CCSER1: variants seen among roughly 807,000 people sequenced by gnomAD.
CCSER1 encodes serine-rich coiled-coil domain-containing protein 1.
Under a neutral mutation model 82.0 loss-of-function variants are expected in CCSER1, and 41 were observed. The observed-to-expected ratio is 0.50, with a 90% CI of 0.39 to 0.65. The LOEUF (loss-of-function observed/expected upper bound fraction) is 0.65, where lower values mean the gene tolerates loss of function less well. Ranked by LOEUF, CCSER1 falls within the 30% of genes least tolerant of loss-of-function variation. The pLI is 0.00. For missense variants in CCSER1, 1,119 were observed against 1,064.2 expected (o/e 1.05, Z -0.72); for synonymous variants, 414 against 383.9 (o/e 1.08, Z -0.92).
intron 5 of CCSER1, among the ~76,000 whole-genome samples, chr4:90,566,051 G>A (rs143156699): frequency 5.2e-4 from 75 of 142,914 alleles, no homozygotes; most frequent in African/African-American, 1.8e-3. Flanking sequence ...TTTTTTTTTA[G>A]TGGACCATGT....
At chr4:90,816,835 A>G (rs1561189304) in intron 8 of CCSER1, among the ~76,000 whole-genome samples, 1 of 152,140 alleles carries the variant, frequency 6.6e-6, no homozygotes, top group Non-Finnish European at 1.5e-5. Context: ...TATTAGTGAG[A>G]TATTGGAGAA....
At chr4:90,323,566 A>G (rs535119816) in intron 3 of CCSER1, among the ~76,000 whole-genome samples, 4 of 151,236 alleles carry the variant, frequency 2.6e-5, no homozygotes, top group Non-Finnish European at 4.4e-5. Flanking sequence ...CAATCACTTC[A>G]CTCTCCCTCC....
At chr4:90,491,807 G>C (rs1768066250) in intron 5 of CCSER1, among the ~76,000 whole-genome samples, 1 of 152,072 alleles carries the variant, frequency 6.6e-6, no homozygotes, top group South Asian at 2.1e-4. Flanking sequence ...CTGTTTATAT[G>C]CTGGATTAAG....
chr4:90,332,451 G>C (rs1482506363), intron 3 of CCSER1, among the ~76,000 whole-genome samples: 2 of 152,016 alleles, frequency 1.3e-5, no homozygotes, highest in East Asian at 3.9e-4. Context: ...GGTCAGGCTG[G>C]TCTCAAACTC....
chr4:91,360,870 A>C (rs1023011941), intron 10 of CCSER1, among the ~76,000 whole-genome samples: 1 of 151,974 alleles, frequency 6.6e-6, no homozygotes, highest in Non-Finnish European at 1.5e-5. Context: ...TTAAGAATGC[A>C]AATCAGTAAT....
intron 10 of CCSER1, among the ~76,000 whole-genome samples, chr4:91,216,555 C>T (rs1045542409): frequency 6.6e-6 from 1 of 152,076 alleles, no homozygotes. Flanking sequence ...CTCCTGACTT[C>T]GTGATCCACC....
At chr4:91,451,514 A>G (rs1378916375) in intron 10 of CCSER1, among the ~76,000 whole-genome samples, 1 of 149,846 alleles carries the variant, frequency 6.7e-6, no homozygotes, top group Admixed American at 6.7e-5. Flanking sequence ...AAGAAGTAGA[A>G]GACCAGGAAT....
intron 7 of CCSER1, among the ~76,000 whole-genome samples, chr4:90,746,668 G>A (rs530106805): frequency 6.6e-6 from 1 of 152,148 alleles, no homozygotes; most frequent in Non-Finnish European, 1.5e-5. Flanking sequence ...CTGATAATCA[G>A]TGTCTGAGAT....
intron 4 of CCSER1, among the ~76,000 whole-genome samples, chr4:90,405,643 A>G (rs961704160): frequency 3.9e-5 from 6 of 152,174 alleles, no homozygotes; most frequent in Admixed American, 2.0e-4. Flanking sequence ...ATGAAAACCT[A>G]TCAGATTAAC....
chr4:91,302,714 C>T (rs911727504), intron 10 of CCSER1, among the ~76,000 whole-genome samples: 2 of 151,878 alleles, frequency 1.3e-5, no homozygotes, highest in Admixed American at 6.6e-5. Flanking sequence ...TTTTCTCTGC[C>T]ATCACATCCT....
intron 10 of CCSER1, among the ~76,000 whole-genome samples, chr4:91,146,806 T>A (rs1202977475): frequency 6.6e-6 from 1 of 152,068 alleles, no homozygotes; most frequent in Non-Finnish European, 1.5e-5. Context: ...GGTGGTGTAG[T>A]TTAGACTGTG....
At chr4:90,527,955 G>C (rs1200740992) in intron 5 of CCSER1, among the ~76,000 whole-genome samples, 1 of 151,978 alleles carries the variant, frequency 6.6e-6, no homozygotes, top group African/African-American at 2.4e-5. Context: ...TCTTTTTGCT[G>C]ACAGCATAGG....
intron 5 of CCSER1, among the ~76,000 whole-genome samples, chr4:90,599,594 A>C (rs1216091541): frequency 6.6e-6 from 1 of 152,156 alleles, no homozygotes; most frequent in Non-Finnish European, 1.5e-5. Context: ...TATCTGGAGA[A>C]GCCCCTTGTG....
chr4:91,044,132 C>G (rs1011160740), intron 9 of CCSER1, among the ~76,000 whole-genome samples: 1 of 152,116 alleles, frequency 6.6e-6, no homozygotes, highest in Non-Finnish European at 1.5e-5. Flanking sequence ...AAAAATGAAA[C>G]TATTTGGTTA....
At chr4:90,953,697 CT>C (rs1733150402) in intron 9 of CCSER1, among the ~76,000 whole-genome samples, 1 of 151,576 alleles carries the variant, frequency 6.6e-6, no homozygotes, top group Non-Finnish European at 1.5e-5. Flanking sequence ...TGTGTATATA[CT>C]TTTTACAAGT....
At chr4:90,182,301 T>G (rs1159047178) in intron 1 of CCSER1, among the ~76,000 whole-genome samples, 3 of 152,154 alleles carry the variant, frequency 2.0e-5, no homozygotes, top group Non-Finnish European at 4.4e-5. Context: ...ACTCATTTTA[T>G]TTGACCTAAA....
At chr4:91,257,393 A>G (rs1006032748) in intron 10 of CCSER1, among the ~76,000 whole-genome samples, 7 of 152,016 alleles carry the variant, frequency 4.6e-5, no homozygotes, top group African/African-American at 7.2e-5. Context: ...CAACATGAAA[A>G]AATACATTTT....
chr4:91,218,171 T>C (rs1737436014), intron 10 of CCSER1, among the ~76,000 whole-genome samples: 1 of 152,196 alleles, frequency 6.6e-6, no homozygotes, highest in African/African-American at 2.4e-5. Context: ...GGGCCGGCAC[T>C]GCTGGGGGAC....
chr4:91,381,478 CTTCAT>C (rs149058945), intron 10 of CCSER1, among the ~76,000 whole-genome samples: 2,965 of 152,030 alleles, frequency 0.02, 71 homozygotes, highest in African/African-American at 0.066. Context: ...ACTTTTCTCA[CTTCAT>C]TTCATTTATT....
Sources: allele counts gnomAD v4.1 joint callset (sites outside exome capture counted in the v4.1 genomes callset), GRCh38; gene constraint gnomAD v4.1.1; transcripts MANE v1.5; gene names NCBI Gene and HGNC (gene_info 2026-07-23, HGNC 2026-07-21).